Variants in CACNA2D3 observed in about 807,000 individuals in gnomAD.
CACNA2D3 encodes the protein calcium voltage-gated channel auxiliary subunit alpha2delta 3.
A neutral mutation model predicts 160.6 loss-of-function variants in CACNA2D3; 60 were observed. The ratio of observed to expected loss-of-function variants is 0.37; its 90% CI spans 0.30 to 0.46. The LOEUF (loss-of-function observed/expected upper bound fraction) is 0.46, where lower values mean the gene tolerates loss of function less well. CACNA2D3 is among the 20% of genes least tolerant of loss of function. The pLI is 1.00. For synonymous variants in CACNA2D3, 558 were observed against 492.9 expected, an observed-to-expected ratio of 1.13 and a Z score of -1.75; for missense variants, 1,205 against 1,365.0, an observed-to-expected ratio of 0.88 and a Z score of 1.85.
At chr3:54,901,016 A>G (rs1326863028) in intron 27 of CACNA2D3, 1 of 152,254 alleles carries the variant, frequency 6.6e-6, no homozygotes, top group African/African-American at 2.4e-5. Flanking sequence ...TTAATCAGCC[A>G]GGAGATATGG....
At chr3:54,308,971 T>C (rs1396097155) in intron 2 of CACNA2D3, among the ~76,000 whole-genome samples, 1 of 152,206 alleles carries the variant, frequency 6.6e-6, no homozygotes, top group Non-Finnish European at 1.5e-5. Flanking sequence ...ATTTGGGCTG[T>C]AGTTAAATTT....
rs1308638127 is a variant in CACNA2D3 at position 54,968,457 on chromosome 3, C to T, written c.2457C>T (p.Gly819=). 5 of 1,605,578 alleles carry T rather than the reference C, an allele frequency of 3.1e-6. No homozygotes were observed. The highest frequency in any genetic ancestry group is 4.3e-6 in the Non-Finnish European group (5 of 1,174,370). ...ATTTATAATTTGTCCCAGCTGTAGG[C>T]ATTCAGATGAAACTTGAATTTTTCC... The part of the protein sequence containing the change: ...ERKSPVVAAV[G]IQMKLEFFQR... Residue 819 remains glycine (G), a synonymous_variant, in exon 28 of 38, where the codon GGC becomes GGT. Coordinates refer to ENST00000474759, the MANE Select transcript of CACNA2D3 (RefSeq NM_018398.3).
At chr3:54,519,326 G>A (rs1472457394) in intron 5 of CACNA2D3, among the ~76,000 whole-genome samples, 1 of 152,230 alleles carries the variant, frequency 6.6e-6, no homozygotes, top group African/African-American at 2.4e-5. Context: ...TCACAGAGAT[G>A]TGAGTAGGCC....
chr3:54,585,493 A>G lies in CACNA2D3; in HGVS notation c.963+3616A>G, dbSNP rs1199714119. On this transcript the variant is annotated intron_variant, in intron 9 of 37. Transcript: ENST00000474759. ...CTCAAGTTTTAATATATCATTAATC[A>G]CCTTATGTATTAGTCTGCTCTCTGC... 2.0e-5 allele frequency among the ~76,000 whole-genome samples: 3 copies of G among 152,314 alleles called. No homozygotes were observed. In the East Asian group the frequency reaches 5.8e-4, roughly 29 times the overall value.
chr3:54,810,157 G>A (rs1020994169), intron 13 of CACNA2D3, among the ~76,000 whole-genome samples: 1 of 152,212 alleles, frequency 6.6e-6, no homozygotes, highest in Admixed American at 6.5e-5. Flanking sequence ...CCAGAGGAAA[G>A]AGCCCCACAA....
chr3:54,626,762 C>T (rs2106815493), intron 9 of CACNA2D3: 8 of 635,724 alleles, frequency 1.3e-5, no homozygotes, highest in Non-Finnish European at 1.9e-5. Flanking sequence ...AAAGCGAGGC[C>T]GTGGTGCCAC....
intron 4 of CACNA2D3, among the ~76,000 whole-genome samples, chr3:54,436,172 A>T (rs567734084): frequency 5.3e-5 from 8 of 152,302 alleles, no homozygotes; most frequent in East Asian, 1.9e-4. Context: ...CAAACATATT[A>T]AAAAAAACTC....
At chr3:55,019,042 C>A (rs1272174502) in intron 35 of CACNA2D3, among the ~76,000 whole-genome samples, 1 of 147,576 alleles carries the variant, frequency 6.8e-6, no homozygotes, top group Non-Finnish European at 1.5e-5. Context: ...CTCAGCCTCC[C>A]AAGTAGCTGG....
chr3:54,413,669 T>C (rs992983144), intron 4 of CACNA2D3, among the ~76,000 whole-genome samples: 1 of 151,526 alleles, frequency 6.6e-6, no homozygotes, highest in East Asian at 1.9e-4. Flanking sequence ...TTCTGTACTC[T>C]CCAATCTTCC....
chr3:54,987,251 C>T (rs1246397713), intron 30 of CACNA2D3, among the ~76,000 whole-genome samples: 1 of 152,174 alleles, frequency 6.6e-6, no homozygotes, highest in African/African-American at 2.4e-5. Flanking sequence ...GCTGTATTTC[C>T]CTAAACAGGT....
At chr3:54,737,007 C>G (rs1418325078) in intron 11 of CACNA2D3, among the ~76,000 whole-genome samples, 2 of 152,186 alleles carry the variant, frequency 1.3e-5, no homozygotes, top group African/African-American at 2.4e-5. Flanking sequence ...TTTAATCCCT[C>G]TATTTCTTTT....
At chr3:54,905,206 C>T (rs1700427451) in intron 27 of CACNA2D3, among the ~76,000 whole-genome samples, 1 of 152,112 alleles carries the variant, frequency 6.6e-6, no homozygotes, top group Non-Finnish European at 1.5e-5. Context: ...AGATCTGTTA[C>T]TGGAGAAATT....
chr3:54,421,709 A>G (rs1211981089), intron 4 of CACNA2D3, among the ~76,000 whole-genome samples: 1 of 152,188 alleles, frequency 6.6e-6, no homozygotes, highest in Non-Finnish European at 1.5e-5. Context: ...GTTGGGAAGC[A>G]GGGCATGTTG....
At chr3:55,029,164 T>C in intron 35 of CACNA2D3, among the ~76,000 whole-genome samples, 1 of 152,180 alleles carries the variant, frequency 6.6e-6, no homozygotes, top group African/African-American at 2.4e-5. Flanking sequence ...ACCTGTATAA[T>C]GGATCCATTG....
At chr3:54,828,258 C>T (rs1477384666) in intron 14 of CACNA2D3, among the ~76,000 whole-genome samples, 1 of 152,112 alleles carries the variant, frequency 6.6e-6, no homozygotes, top group Non-Finnish European at 1.5e-5. Context: ...CATGGGGGGT[C>T]AATTATGTGT....
chr3:54,586,396 C>G lies in CACNA2D3; in HGVS notation c.963+4519C>G, dbSNP rs1221148880. 1.3e-5 allele frequency among the ~76,000 whole-genome samples: 2 copies of G among 151,696 alleles called. 1 individual carries two copies. The highest frequency in any genetic ancestry group is 4.8e-5 in the African/African-American group (2 of 41,312). Reference sequence around the variant, plus strand: ...TGATTCTATTAATACCATATAAAGTCTTCAGGGCAAAGAAAATTACTAGAG... The same window carrying G: ...TGATTCTATTAATACCATATAAAGTGTTCAGGGCAAAGAAAATTACTAGAG... On this transcript the variant is annotated intron_variant, in intron 9 of 37. Coordinates refer to ENST00000474759, the MANE Select transcript of CACNA2D3 (RefSeq NM_018398.3).
chr3:54,285,236 C>T (rs1009791730), intron 2 of CACNA2D3, among the ~76,000 whole-genome samples: 2 of 152,194 alleles, frequency 1.3e-5, no homozygotes, highest in Admixed American at 1.3e-4. Flanking sequence ...CACCCTAATA[C>T]TGTGCTTTTC....
At chr3:54,660,306 G>A (rs942558548) in intron 11 of CACNA2D3, among the ~76,000 whole-genome samples, 9 of 152,000 alleles carry the variant, frequency 5.9e-5, no homozygotes, top group African/African-American at 2.2e-4. Flanking sequence ...GACTACAGGC[G>A]CCCACCACCA....
chr3:54,629,462 CA>C (rs1699187929), intron 10 of CACNA2D3, among the ~76,000 whole-genome samples: 1 of 152,086 alleles, frequency 6.6e-6, no homozygotes, highest in South Asian at 2.1e-4. Flanking sequence ...AGTCCTGAGC[CA>C]GTGTCATGAC....
Sources: allele counts gnomAD v4.1 joint callset (sites outside exome capture counted in the v4.1 genomes callset), GRCh38; gene constraint gnomAD v4.1.1; transcripts MANE v1.5; gene names NCBI Gene and HGNC (gene_info 2026-07-23, HGNC 2026-07-21).